The following DMRTC2 variants were observed in gnomAD, a reference collection of about 807,000 sequenced individuals.
The protein encoded by DMRTC2 is DMRT like family C2.
In DMRTC2, 13 loss-of-function variants were observed where a neutral mutation model predicts 39.9. The observed-to-expected ratio is 0.33, with a 90% CI of 0.21 to 0.52. The LOEUF is 0.52. DMRTC2 is among the 20% of genes least tolerant of loss of function. DMRTC2 has a pLI of 0.96. For synonymous variants in DMRTC2, 189 were observed against 185.2 expected, an observed-to-expected ratio of 1.02 and a Z score of -0.17; for missense variants, 431 against 472.8, an observed-to-expected ratio of 0.91 and a Z score of 0.82.
Position 41,851,903 on chromosome 19 carries a change from G to A in DMRTC2, c.*207G>A. 1 of 582,454 alleles carries A rather than the reference G, an allele frequency of 1.7e-6. No homozygotes were observed. 36.1% of individuals were successfully genotyped at this position (582,454 alleles called of 1,614,324 possible). On this transcript the variant is annotated 3_prime_UTR_variant, in exon 9 of 9. Coordinates refer to ENST00000269945, the MANE Select transcript of DMRTC2 (RefSeq NM_001040283.3). ...CTTTGGTAGTGTGGGCATTTCCTTG[G>A]CTGACAGTGGATATTCTTGTACCCT...
At chr19:41,845,522 A>C (rs1398553101) in intron 1 of DMRTC2, 1 of 152,376 alleles carries the variant, frequency 6.6e-6, no homozygotes, top group Non-Finnish European at 1.5e-5. Flanking sequence ...GAAGGAAAAT[A>C]ACTTGAAAGT....
In DMRTC2 at chr19:41,848,466, A is replaced by G. The variant is rs1555836506; in HGVS notation, c.385A>G (p.Ile129Val). 2.5e-6 allele frequency: 4 copies of G among 1,604,742 alleles called. No individual in the cohort carries two copies. In the South Asian group the frequency reaches 4.5e-5, roughly 18 times the overall value. ...GTCCTTCACAGCTGGAAAGGAGAAC[A>G]TAGCACCCCAGCCTCAGACCCCCCA... The part of the protein sequence containing the change: ...QPQVPSGKEN[I>V]APQPQTPHGA... The change falls in exon 4 of 9, where the codon ATA becomes GTA. Residue 129 changes from isoleucine (I) to valine (V), a missense_variant. Transcript: ENST00000269945.
chr19:41,848,949 C>G lies in DMRTC2; in HGVS notation c.602C>G (p.Pro201Arg), dbSNP rs782022689. ...GTGTGCCGCCTGCTGTACCAAGAAC[C>G]TGCTGTCTCTCTGCCTCCCTTCCCT... Reference protein sequence around the residue: ...PVVCRLLYQEPAVSLPPFPGF... With the variant: ...PVVCRLLYQERAVSLPPFPGF... Residue 201 changes from proline (P) to arginine (R), a missense_variant, in exon 5 of 9, where the codon CCT becomes CGT. Transcript: ENST00000269945. The G allele has an allele frequency of 2.5e-6, 4 of 1,613,984 alleles. No individual in the cohort carries two copies. Among genetic ancestry groups the G allele is most frequent in the Non-Finnish European group, 3.4e-6 (4 of 1,180,054 alleles).
chr19:41,847,040 C>G (rs1023069976), intron 1 of DMRTC2, among the ~76,000 whole-genome samples: 3 of 151,598 alleles, frequency 2.0e-5, no homozygotes, highest in African/African-American at 7.3e-5. Flanking sequence ...AAAAAAATAG[C>G]CGGGCATGGT....
chr19:41,849,794 A>G (rs1041295004), intron 6 of DMRTC2, among the ~76,000 whole-genome samples: 7 of 152,210 alleles, frequency 4.6e-5, no homozygotes, highest in African/African-American at 7.2e-5. Flanking sequence ...AAAAACCGGC[A>G]TCAGGTGGGG....
At chr19:41,846,211 A>T (rs2073838696) in intron 1 of DMRTC2, among the ~76,000 whole-genome samples, 1 of 152,190 alleles carries the variant, frequency 6.6e-6, no homozygotes, top group Admixed American at 6.5e-5. Context: ...AACTACTGGT[A>T]GGCATTGGAT....
intron 1 of DMRTC2, among the ~76,000 whole-genome samples, chr19:41,846,574 A>T (rs1254929500): frequency 1.3e-5 from 2 of 151,478 alleles, no homozygotes; most frequent in African/African-American, 4.8e-5. Context: ...ATTAAAAAAA[A>T]ATTTTTTTTT....
upstream of DMRTC2, chr19:41,844,978 A>C (rs1165097616): frequency 6.6e-6 from 1 of 152,222 alleles, no homozygotes; most frequent in East Asian, 1.9e-4. Flanking sequence ...GCGATGCTTG[A>C]AGTTCATTGG....
Position 41,848,467 on chromosome 19 carries a change from T to C in DMRTC2, c.386T>C (p.Ile129Thr), listed in dbSNP as rs1600591995. 1 of 1,604,662 alleles carries C rather than the reference T, an allele frequency of 6.2e-7. No homozygotes were observed. The highest frequency in any genetic ancestry group is 8.5e-7 in the Non-Finnish European group (1 of 1,175,770). The change falls in exon 4 of 9, where the codon ATA becomes ACA. Residue 129 changes from isoleucine to threonine, a missense_variant. Transcript: ENST00000269945. ...TCCTTCACAGCTGGAAAGGAGAACA[T>C]AGCACCCCAGCCTCAGACCCCCCAT... ...QPQVPSGKENIAPQPQTPHGA... is the reference protein window; with the variant it reads ...QPQVPSGKENTAPQPQTPHGA...
In DMRTC2 at chr19:41,848,480, T is replaced by C; in HGVS notation, c.399T>C (p.Pro133=). The C allele has an allele frequency of 6.2e-7, 1 of 1,605,220 alleles. No individual in the cohort carries two copies. Among genetic ancestry groups the C allele is most frequent in the Non-Finnish European group, 8.5e-7 (1 of 1,175,968 alleles). ...GAAAGGAGAACATAGCACCCCAGCC[T>C]CAGACCCCCCATGGGGCAGTCCTGC... The part of the protein sequence containing the change: ...PSGKENIAPQ[P]QTPHGAVLLA... Residue 133 remains proline, a synonymous_variant, in exon 4 of 9, where the codon CCT becomes CCC. Coordinates refer to ENST00000269945, the MANE Select transcript of DMRTC2 (RefSeq NM_001040283.3).
intron 1 of DMRTC2, among the ~76,000 whole-genome samples, chr19:41,846,151 A>G (rs2073837221): frequency 6.6e-6 from 1 of 152,266 alleles, no homozygotes; most frequent in African/African-American, 2.4e-5. Context: ...TTTGCAGGGC[A>G]TAGATGAGAC....
intron 8 of DMRTC2, chr19:41,851,338 A>C: frequency 2.1e-6 from 1 of 472,978 alleles, no homozygotes; most frequent in South Asian, 3.1e-5. Flanking sequence ...TGTGAAGGGG[A>C]GCCAGGGAAC....
Position 41,845,999 on chromosome 19 carries a change from G to A in DMRTC2, c.-5+898G>A, listed in dbSNP as rs544207627. 1.3e-4 allele frequency among the ~76,000 whole-genome samples: 18 copies of A among 143,114 alleles called. No homozygotes were observed. In the South Asian group the frequency reaches 1.9e-3, roughly 15 times the overall value. 93.9% of individuals were successfully genotyped at this position (143,114 alleles called of 152,430 possible). A position where few individuals can be genotyped will look rare whatever the true frequency, so the allele number is the denominator to read the frequency against. ...TGCGCTCCAGCCTGGGCAACAGAGC[G>A]AGACCCTGTCAATAAAAAAAAAAAG... On this transcript the variant is annotated intron_variant, in intron 1 of 8. Coordinates refer to ENST00000269945, the MANE Select transcript of DMRTC2 (RefSeq NM_001040283.3).
chr19:41,848,797 C>T lies in DMRTC2; in HGVS notation c.450C>T (p.Asn150=). Residue 150 remains asparagine, a splice_region_variant and synonymous_variant, in exon 5 of 9, where the codon AAC becomes AAT. Transcript: ENST00000269945. ...VLLAPTPPGK[N]SCGPLLLSHP... ...GCCTGTGCCCTCTGCCCCTGCAGAA[C>T]TCCTGTGGGCCTCTGCTGCTCAGCC... is the stretch of plus-strand genomic sequence containing the variant. 1 of 1,608,140 alleles carries T rather than the reference C, an allele frequency of 6.2e-7. No individual in the cohort carries two copies. The highest frequency in any genetic ancestry group is 8.5e-7 in the Non-Finnish European group (1 of 1,180,004).
In DMRTC2 at chr19:41,848,964, C is replaced by G. The variant is rs577126984; in HGVS notation, c.617C>G (p.Pro206Arg). 2.9e-5 allele frequency: 47 copies of G among 1,614,128 alleles called. No individual in the cohort carries two copies. In the South Asian group the frequency reaches 5.2e-4, roughly 18 times the overall value. ...LLYQEPAVSL[P>R]PFPGFDPGTS... Reference sequence around the variant, plus strand: ...TACCAAGAACCTGCTGTCTCTCTGCCTCCCTTCCCTGGTAAGATGATAATT... The same window carrying G: ...TACCAAGAACCTGCTGTCTCTCTGCGTCCCTTCCCTGGTAAGATGATAATT... The change falls in exon 5 of 9, where the codon CCT becomes CGT. Residue 206 changes from proline (P) to arginine (R), a missense_variant. Pro to Arg is a moderately radical substitution (Grantham distance 103). Coordinates refer to ENST00000269945, the MANE Select transcript of DMRTC2 (RefSeq NM_001040283.3).
chr19:41,845,759 G>A (rs1031258583), intron 1 of DMRTC2, among the ~76,000 whole-genome samples: 5 of 152,156 alleles, frequency 3.3e-5, no homozygotes, highest in Admixed American at 2.0e-4. Flanking sequence ...CCCAGGAGGC[G>A]GAGGTTGCAG....
chr19:41,851,644 C>A lies in DMRTC2; in HGVS notation c.1052C>A (p.Pro351His), dbSNP rs200255208. ...VGPCLRPSPA[P>H]SVALHIGRLG... ...CCCTGTCTTCGACCCAGCCCAGCCCCCTCTGTTGCTCTGCATATTGGCCGT... is the reference window on the plus strand; with the variant it reads ...CCCTGTCTTCGACCCAGCCCAGCCCACTCTGTTGCTCTGCATATTGGCCGT... The change falls in exon 9 of 9, where the codon CCC becomes CAC. Residue 351 changes from proline to histidine, a missense_variant. Coordinates refer to ENST00000269945, the MANE Select transcript of DMRTC2 (RefSeq NM_001040283.3). The A allele has an allele frequency of 4.3e-6, 7 of 1,614,068 alleles. No homozygotes were observed. The highest frequency in any genetic ancestry group is 1.7e-5 in the Admixed American group (1 of 59,998).
rs534661026 is a variant in DMRTC2 at position 41,849,791 on chromosome 19, G to A, written c.756-521G>A. Among the ~76,000 whole-genome samples, 7 of 152,210 alleles carry A rather than the reference G, an allele frequency of 4.6e-5. No homozygotes were observed. The South Asian group carries it at 1.4e-3, about 32-fold the overall frequency. Reference sequence around the variant, plus strand: ...TCTTCTAGGTGTTTTTTTAAAAACCGGCATCAGGTGGGGCCTGGTGGCTCA... The same window carrying A: ...TCTTCTAGGTGTTTTTTTAAAAACCAGCATCAGGTGGGGCCTGGTGGCTCA... On this transcript the variant is annotated intron_variant, in intron 6 of 8. Transcript: ENST00000269945.
At position 41,848,807 on chromosome 19, in the gene DMRTC2, C is replaced by A; in HGVS notation, c.460C>A (p.Pro154Thr). 1 of 1,608,632 alleles carries A rather than the reference C, an allele frequency of 6.2e-7. No individual in the cohort carries two copies. The highest frequency in any genetic ancestry group is 1.1e-5 in the South Asian group (1 of 91,086). The change falls in exon 5 of 9, where the codon CCT (proline) becomes ACT (threonine). Residue 154 changes from proline to threonine, a missense_variant. By Grantham distance (38) the Pro-to-Thr change is conservative. Transcript: ENST00000269945. ...PTPPGKNSCG[P>T]LLLSHPPEAS... ...TCTGCCCCTGCAGAACTCCTGTGGG[C>A]CTCTGCTGCTCAGCCATCCCCCGGA...
Sources: gnomAD v4.1 joint callset for allele counts (sites outside exome capture counted in the v4.1 genomes callset) on GRCh38, gnomAD v4.1.1 for gene constraint, MANE v1.5 for transcripts, NCBI Gene and HGNC (gene_info 2026-07-23, HGNC 2026-07-21) for gene names.